RAD51: variants seen among roughly 807,000 people sequenced by gnomAD.
RAD51 encodes DNA repair protein RAD51 homolog 1.
Under a neutral mutation model 41.5 loss-of-function variants are expected in RAD51, and 14 were observed. The ratio of observed to expected loss-of-function variants is 0.34; its 90% CI spans 0.22 to 0.53. RAD51 has a LOEUF of 0.53. RAD51 is among the 20% of genes least tolerant of loss of function. The pLI is 0.95. For synonymous variants in RAD51, 136 were observed against 148.6 expected (o/e 0.92, Z 0.62); for missense variants, 234 against 422.0 (o/e 0.55, Z 3.90).
chr15:40,724,097 T>C (rs562985428), intron 6 of RAD51, among the ~76,000 whole-genome samples: 1 of 152,314 alleles, frequency 6.6e-6, no homozygotes, highest in South Asian at 2.1e-4. Flanking sequence ...CTGCAACCTA[T>C]TGAATGTATA....
chr15:40,695,449 G>C (rs1363554923), intron 1 of RAD51, 24 bp downstream of exon 1: 1 of 152,380 alleles, frequency 6.6e-6, no homozygotes, highest in Non-Finnish European at 1.5e-5. Context: ...GCGCAGGCTG[G>C]GCCCTCCAGA....
chr15:40,707,906 C>T (rs1322283978), intron 4 of RAD51, among the ~76,000 whole-genome samples: 5 of 151,416 alleles, frequency 3.3e-5, no homozygotes, highest in East Asian at 2.0e-4. Context: ...TTAGTAGAGA[C>T]GGGATTTCAC....
At chr15:40,702,625 G>A (rs973785192) in intron 3 of RAD51, among the ~76,000 whole-genome samples, 3 of 151,762 alleles carry the variant, frequency 2.0e-5, no homozygotes, top group Non-Finnish European at 2.9e-5. Context: ...TCAAGTGATT[G>A]TCGTGCCTCA....
At chr15:40,714,322 T>C (rs1175364844) in intron 5 of RAD51, among the ~76,000 whole-genome samples, 1 of 152,212 alleles carries the variant, frequency 6.6e-6, no homozygotes, top group Non-Finnish European at 1.5e-5. Flanking sequence ...CACTCTTACA[T>C]CCGTCATTTG....
chr15:40,698,224 C>T (rs1227216830), intron 1 of RAD51, among the ~76,000 whole-genome samples: 7 of 150,028 alleles, frequency 4.7e-5, no homozygotes, highest in South Asian at 4.2e-4. Flanking sequence ...CAGTCTCACT[C>T]TGTCATGAGG....
intron 5 of RAD51, among the ~76,000 whole-genome samples, chr15:40,714,240 A>T (rs995064711): frequency 6.6e-6 from 1 of 152,188 alleles, no homozygotes; most frequent in Non-Finnish European, 1.5e-5. Context: ...AGTAAGTTAT[A>T]GAAGCTATAG....
chr15:40,727,131 T>A (rs911752047), intron 6 of RAD51, among the ~76,000 whole-genome samples: 2 of 152,024 alleles, frequency 1.3e-5, no homozygotes, highest in African/African-American at 2.4e-5. Context: ...TAATTTTTTT[T>A]TAATTTTATA....
chr15:40,719,348 C>T (rs533896940), intron 6 of RAD51, among the ~76,000 whole-genome samples: 16 of 151,278 alleles, frequency 1.1e-4, no homozygotes, highest in Admixed American at 2.6e-4. Flanking sequence ...TGTGAGCCAC[C>T]GCACCCGGCC....
Position 40,724,889 on chromosome 15 carries a change from A to ATT in RAD51, c.531-3802_531-3801dup, listed in dbSNP as rs34086110. ...TTTTAATTTTTTTTAATTTTTTTTA[A>ATT]TTTTTTTTTTTTTTTTTTTTTGAGA... On this transcript the variant is annotated intron_variant, in intron 6 of 9. Transcript: ENST00000267868. Among the ~76,000 whole-genome samples, 228 of 55,398 alleles carry ATT rather than the reference A, an allele frequency of 4.1e-3. 11 individuals carry two copies. Among genetic ancestry groups the ATT allele is most frequent in the African/African-American group, 0.016 (186 of 11,914 alleles). 36.3% of individuals were successfully genotyped at this position (55,398 alleles called of 152,430 possible).
Position 40,731,384 on chromosome 15 carries a change from T to C in RAD51, c.*206T>C. ...ACTGATCTAAAATGTTTATTCCTTCTGTAGTGTATTAATCTCTGTGTGTTT... is the reference window on the plus strand; with the variant it reads ...ACTGATCTAAAATGTTTATTCCTTCCGTAGTGTATTAATCTCTGTGTGTTT... On this transcript the variant is annotated 3_prime_UTR_variant, in exon 10 of 10. Coordinates refer to ENST00000267868, the MANE Select transcript of RAD51 (RefSeq NM_002875.5). 1 of 612,494 alleles carries C rather than the reference T, an allele frequency of 1.6e-6. No individual in the cohort carries two copies. The highest frequency in any genetic ancestry group is 3.0e-5 in the East Asian group (1 of 33,496). 37.9% of individuals were successfully genotyped at this position (612,494 alleles called of 1,614,324 possible). A position where few individuals can be genotyped will look rare whatever the true frequency, so the allele number is the denominator to read the frequency against.
chr15:40,708,929 A>G, intron 4 of RAD51, 96 bp from the exon 5 acceptor site: 2 of 1,129,916 alleles, frequency 1.8e-6, no homozygotes, highest in East Asian at 2.4e-5. Flanking sequence ...TTTAACTTAC[A>G]TAAACATCTT....
At chr15:40,698,488 G>T (rs1340360734) in intron 1 of RAD51, among the ~76,000 whole-genome samples, 1 of 152,054 alleles carries the variant, frequency 6.6e-6, no homozygotes, top group Non-Finnish European at 1.5e-5. Flanking sequence ...GCCCCGCCAA[G>T]ATCAACTTTT....
At chr15:40,701,344 T>G in intron 3 of RAD51, 143 bp downstream of exon 3, 1 of 850,634 alleles carries the variant, frequency 1.2e-6, no homozygotes, top group Non-Finnish European at 1.8e-6. Flanking sequence ...GTTTCTTTTC[T>G]TCTTTTCTTT....
At chr15:40,713,624 T>C (rs889817697) in intron 5 of RAD51, among the ~76,000 whole-genome samples, 1 of 150,408 alleles carries the variant, frequency 6.6e-6, no homozygotes, top group Non-Finnish European at 1.5e-5. Flanking sequence ...TTTTTTTTTT[T>C]GAGGCGGAGT....
intron 9 of RAD51, among the ~76,000 whole-genome samples, chr15:40,730,175 G>A (rs1896794121): frequency 6.6e-6 from 1 of 152,200 alleles, no homozygotes; most frequent in Middle Eastern, 3.2e-3. Flanking sequence ...AAGTGTGGAA[G>A]AATGAATATG....
At position 40,701,133 on chromosome 15, in the gene RAD51, G is replaced by A. The variant is rs1313509498; in HGVS notation, c.157G>A (p.Ala53Thr). Reference protein sequence around the residue: ...EAGFHTVEAVAYAPKKELINI... With the variant: ...EAGFHTVEAVTYAPKKELINI... ...TGGATTCCATACTGTGGAGGCTGTTGCCTATGCGCCAAAGAAGGAGCTAAT... is the reference window on the plus strand; with the variant it reads ...TGGATTCCATACTGTGGAGGCTGTTACCTATGCGCCAAAGAAGGAGCTAAT... The change falls in exon 3 of 10, where the codon GCC becomes ACC. Residue 53 changes from alanine to threonine, a missense_variant. This residue lies in a region of RAD51 where 100 missense variants were observed against 135.5 expected (regional missense o/e 0.74). Coordinates refer to ENST00000267868, the MANE Select transcript of RAD51 (RefSeq NM_002875.5). The A allele has an allele frequency of 1.9e-6, 3 of 1,614,210 alleles. No homozygotes were observed. The highest frequency in any genetic ancestry group is 2.5e-6 in the Non-Finnish European group (3 of 1,180,036).
rs749995356 is a variant in RAD51, at chr15:40,713,994, C to CTTTTTTTTT, written c.436-4801_436-4793dup. Among the ~76,000 whole-genome samples, 111 of 114,916 alleles carry CTTTTTTTTT rather than the reference C, an allele frequency of 9.7e-4. 2 individuals carry two copies. The highest frequency in any genetic ancestry group is 3.4e-3 in the African/African-American group (102 of 30,392). 75.4% of individuals were successfully genotyped at this position (114,916 alleles called of 152,430 possible). ...TGTTAACTCTCCTCAGAAATAAATT[C>CTTTTTTTTT]TTTTTTTTTTTTTTTTTTGAGATTG... is the stretch of plus-strand genomic sequence containing the variant. On this transcript the variant is annotated intron_variant, in intron 5 of 9. Coordinates refer to ENST00000267868, the MANE Select transcript of RAD51 (RefSeq NM_002875.5).
Position 40,706,295 on chromosome 15 carries a change from GT to G in RAD51, c.343+2del. The G allele has an allele frequency of 6.3e-7, 1 of 1,592,716 alleles. No homozygotes were observed. The highest frequency in any genetic ancestry group is 8.6e-7 in the Non-Finnish European group (1 of 1,160,438). On this transcript the variant is annotated splice_donor_variant, in intron 4 of 9. Coordinates refer to ENST00000267868, the MANE Select transcript of RAD51 (RefSeq NM_002875.5). LOFTEE classifies it high-confidence loss of function. ...AAAGAGCTTGACAAACTACTTCAAG[GT>G]GTAGTAATCCTTTATCCTGTGTTGT...
intron 1 of RAD51, chr15:40,695,714 T>C (rs1490070679): frequency 6.6e-6 from 1 of 152,206 alleles, no homozygotes; most frequent in African/African-American, 2.4e-5. Flanking sequence ...GCCACAGCTG[T>C]TTAATATCAC....
Sources: allele counts gnomAD v4.1 joint callset (sites outside exome capture counted in the v4.1 genomes callset), GRCh38; gene constraint gnomAD v4.1.1; regional missense constraint gnomAD v4.1.1; transcripts MANE v1.5; gene names NCBI Gene and HGNC (gene_info 2026-07-23, HGNC 2026-07-21).